TYW1: variants seen among roughly 807,000 people sequenced by gnomAD.
TYW1 encodes the protein tRNA-yW synthesizing protein 1 homolog.
Under a neutral mutation model 96.2 loss-of-function variants are expected in TYW1, and 46 were observed. The observed-to-expected ratio is 0.48, with a 90% confidence interval of 0.38 to 0.61. The LOEUF (loss-of-function observed/expected upper bound fraction) is 0.61. Ranked by LOEUF, TYW1 falls within the 20% of genes least tolerant of loss-of-function variation. TYW1 has a pLI of 0.00. For missense variants in TYW1, 684 were observed against 909.6 expected (o/e 0.75, Z 3.19); for synonymous variants, 274 against 323.0 (o/e 0.85, Z 1.63).
At chr7:67,061,671 A>C (rs1795699383) in intron 9 of TYW1, among the ~76,000 whole-genome samples, 1 of 152,206 alleles carries the variant, frequency 6.6e-6, no homozygotes, top group South Asian at 2.1e-4. Context: ...TTATATTTCT[A>C]ATTGTATCCT....
chr7:67,132,351 C>G (rs1173575977), intron 13 of TYW1, among the ~76,000 whole-genome samples: 2 of 151,862 alleles, frequency 1.3e-5, no homozygotes, highest in Admixed American at 6.6e-5. Context: ...GTCAAGTGAT[C>G]CTCTCGCTTT....
intron 11 of TYW1, among the ~76,000 whole-genome samples, chr7:67,094,611 G>A (rs1027442699): frequency 6.7e-5 from 10 of 149,702 alleles, no homozygotes; most frequent in African/African-American, 2.0e-4. Flanking sequence ...TTACACTTTC[G>A]TATTTCTAAG....
chr7:67,098,771 A>G (rs1002272202), intron 12 of TYW1, 53 bp downstream of exon 12: 2 of 1,489,608 alleles, frequency 1.3e-6, no homozygotes, highest in Non-Finnish European at 1.8e-6. Context: ...TTTCACTGCA[A>G]AGTAAAACTA....
At chr7:67,189,707 T>G (rs1326018539) in intron 14 of TYW1, among the ~76,000 whole-genome samples, 1 of 152,114 alleles carries the variant, frequency 6.6e-6, no homozygotes, top group African/African-American at 2.4e-5. Context: ...ATGCCCAGAT[T>G]CATTAAGTTT....
chr7:67,191,025 A>AAG (rs537418735), intron 14 of TYW1, among the ~76,000 whole-genome samples: 111 of 152,328 alleles, frequency 7.3e-4, no homozygotes, highest in African/African-American at 2.6e-3. Context: ...CTAATTTATA[A>AAG]AGAAAGGAGG....
intron 13 of TYW1, among the ~76,000 whole-genome samples, chr7:67,128,870 C>T (rs1308454838): frequency 2.0e-5 from 3 of 151,866 alleles, no homozygotes; most frequent in African/African-American, 7.3e-5. Context: ...TGTATTTTTA[C>T]TAGATACGGG....
In TYW1 at chr7:67,024,778, C is replaced by G. The variant is rs1794391960; in HGVS notation, c.862-122C>G. On this transcript the variant is annotated intron_variant, in intron 6 of 15. Coordinates refer to ENST00000359626, the MANE Select transcript of TYW1 (RefSeq NM_018264.4). ...CCTGGGCGACAGAGCGAGACCCTGT[C>G]TCAAAGAAAAAAAAAAAAAAAGAAT... is the stretch of plus-strand genomic sequence containing the variant. The G allele has an allele frequency of 2.8e-6, 4 of 1,428,652 alleles. No individual in the cohort carries two copies. The South Asian group carries it at 5.9e-5, about 21-fold the overall frequency. The allele number at this position is 1,428,652 out of a possible 1,614,324, so 88.5% of individuals were successfully genotyped here. A position where few individuals can be genotyped will look rare whatever the true frequency, so the allele number is the denominator to read the frequency against.
chr7:67,182,769 G>C (rs1217169406), intron 13 of TYW1, among the ~76,000 whole-genome samples: 1 of 152,144 alleles, frequency 6.6e-6, no homozygotes, highest in Non-Finnish European at 1.5e-5. Context: ...AAAGCCTAGA[G>C]GGTATTTCAA....
intron 13 of TYW1, among the ~76,000 whole-genome samples, chr7:67,135,363 G>A (rs1438375287): frequency 8.0e-6 from 1 of 125,466 alleles, no homozygotes; most frequent in Non-Finnish European, 1.6e-5. Context: ...GGAGTACAGT[G>A]GCATGATCTT....
chr7:67,049,987 C>T lies in TYW1; in HGVS notation c.1023C>T (p.Phe341=), dbSNP rs775084204. 11 of 1,613,936 alleles carry T rather than the reference C, an allele frequency of 6.8e-6. No individual in the cohort carries two copies. Among genetic ancestry groups the T allele is most frequent in the Non-Finnish European group, 9.3e-6 (11 of 1,179,972 alleles). ...KEQQEEKSGL[F]RNMGRNEDGE... is the part of the protein sequence containing the mutation. ...AGCAGGAAGAGAAGTCTGGTTTGTT[C>T]AGGAACATGGGGAGGAATGAAGATG... The change falls in exon 8 of 16, where the codon TTC becomes TTT. Residue 341 remains phenylalanine (F), a synonymous_variant. Transcript: ENST00000359626.
intron 15 of TYW1, among the ~76,000 whole-genome samples, chr7:67,232,347 C>G (rs1368748099): frequency 6.6e-6 from 1 of 151,860 alleles, no homozygotes; most frequent in Non-Finnish European, 1.5e-5. Flanking sequence ...AAAGACCAGC[C>G]TGGCCAACAT....
intron 10 of TYW1, among the ~76,000 whole-genome samples, chr7:67,076,198 A>G (rs11769456): frequency 0.07 from 10,594 of 152,282 alleles, 470 homozygotes; most frequent in South Asian, 0.12. Flanking sequence ...GTGAGGTCCC[A>G]TTCCAGCCAA....
At chr7:67,091,425 GA>G (rs1472596548) in intron 11 of TYW1, among the ~76,000 whole-genome samples, 1 of 131,222 alleles carries the variant, frequency 7.6e-6, no homozygotes, top group Non-Finnish European at 1.6e-5. Flanking sequence ...GGGTTGGGGG[GA>G]GGGGGGAGGG....
At chr7:67,085,698 G>A (rs1267768193) in intron 11 of TYW1, among the ~76,000 whole-genome samples, 1 of 152,108 alleles carries the variant, frequency 6.6e-6, no homozygotes, top group Non-Finnish European at 1.5e-5. Flanking sequence ...GCTTAGCACG[G>A]TGCCTCACGC....
At chr7:66,997,736 C>G (rs1055170876) in intron 1 of TYW1, among the ~76,000 whole-genome samples, 3 of 149,144 alleles carry the variant, frequency 2.0e-5, no homozygotes, top group Non-Finnish European at 4.4e-5. Context: ...TCAAACAGTT[C>G]TCCTGCCTCA....
intron 13 of TYW1, among the ~76,000 whole-genome samples, chr7:67,154,175 G>C (rs1244725710): frequency 2.6e-5 from 4 of 152,092 alleles, no homozygotes; most frequent in African/African-American, 9.7e-5. Flanking sequence ...ACCTGCCTTG[G>C]CCTGCCAAAG....
At chr7:67,095,944 T>C (rs4117662) in intron 11 of TYW1, among the ~76,000 whole-genome samples, 152,315 of 152,354 alleles carry the variant, frequency 1, 76,138 homozygotes, top group East Asian at 1. Context: ...GTTTCATAAA[T>C]GAGGATAAAG....
chr7:67,074,902 G>A (rs1796156021), intron 10 of TYW1, among the ~76,000 whole-genome samples: 2 of 151,766 alleles, frequency 1.3e-5, no homozygotes. Context: ...GTGTGATCTT[G>A]GCTCACTGTA....
chr7:67,117,754 A>G (rs1797639506), intron 13 of TYW1, 136 bp downstream of exon 13: 1 of 1,287,300 alleles, frequency 7.8e-7, no homozygotes, highest in Admixed American at 3.4e-5. Context: ...GATGAAATAT[A>G]ACTTTCAACT....
Sources: allele counts gnomAD v4.1 joint callset (sites outside exome capture counted in the v4.1 genomes callset), GRCh38; gene constraint gnomAD v4.1.1; transcripts MANE v1.5; gene names NCBI Gene and HGNC (gene_info 2026-07-23, HGNC 2026-07-21).